MARCHF7: variants seen among roughly 807,000 people sequenced by gnomAD.
The protein encoded by MARCHF7 is membrane associated ring-CH-type finger 7.
In MARCHF7, 20 loss-of-function variants were observed where a neutral mutation model predicts 76.5. That is an observed-to-expected ratio of 0.26 (90% CI 0.18 to 0.38). The LOEUF (loss-of-function observed/expected upper bound fraction) is 0.38, where lower values mean the gene tolerates loss of function less well. Ranked by LOEUF, MARCHF7 falls within the 10% of genes least tolerant of loss-of-function variation. The pLI, the probability that MARCHF7 is intolerant of heterozygous loss-of-function variation, is 1.00. For missense variants in MARCHF7, 797 were observed against 812.9 expected (o/e 0.98, Z 0.24); for synonymous variants, 295 against 293.0 (o/e 1.01, Z -0.07).
At chr2:159,714,237 T>C (rs1029110889) in intron 1 of MARCHF7, among the ~76,000 whole-genome samples, 1 of 152,254 alleles carries the variant, frequency 6.6e-6, no homozygotes, top group Admixed American at 6.5e-5. Flanking sequence ...GCAAAATCTG[T>C]CAAATATCTT....
chr2:159,760,125 C>G (rs1469857557), intron 9 of MARCHF7, among the ~76,000 whole-genome samples: 13 of 152,196 alleles, frequency 8.5e-5, no homozygotes, highest in Admixed American at 8.5e-4. Context: ...TCTGTGCTCT[C>G]AGCCCCTGGC....
chr2:159,745,429 C>G (rs1019977591), intron 5 of MARCHF7, among the ~76,000 whole-genome samples: 1 of 152,098 alleles, frequency 6.6e-6, no homozygotes, highest in Non-Finnish European at 1.5e-5. Context: ...CCGGGGTGGG[C>G]GGATCACTAG....
In MARCHF7 at chr2:159,749,989, A is replaced by G. The variant is rs144530549; in HGVS notation, c.1613+1086A>G. Reference sequence around the variant, plus strand: ...TCTTTTTTTGGAATTTGATGCACAAAATTTACTTTGATTCACAAGATAAAA... The same window carrying G: ...TCTTTTTTTGGAATTTGATGCACAAGATTTACTTTGATTCACAAGATAAAA... On this transcript the variant is annotated intron_variant, in intron 7 of 11. Coordinates refer to ENST00000409175, the MANE Select transcript of MARCHF7 (RefSeq NM_001282805.2). Among the ~76,000 whole-genome samples the G allele has an allele frequency of 3.9e-4, 59 of 152,318 alleles. No individual in the cohort carries two copies. The East Asian group carries it at 7.7e-3, about 20-fold the overall frequency.
intron 8 of MARCHF7, among the ~76,000 whole-genome samples, chr2:159,756,432 A>C (rs1309034766): frequency 6.6e-6 from 1 of 152,128 alleles, no homozygotes; most frequent in Non-Finnish European, 1.5e-5. Context: ...CACACCTGTA[A>C]TCCCAGCACT....
At chr2:159,732,537 G>C (rs1314759111) in intron 4 of MARCHF7, among the ~76,000 whole-genome samples, 3 of 152,082 alleles carry the variant, frequency 2.0e-5, no homozygotes, top group African/African-American at 7.2e-5. Context: ...TTAAGAGACA[G>C]GGTCCTGCTC....
chr2:159,713,916 T>C (rs571638822), intron 1 of MARCHF7, among the ~76,000 whole-genome samples: 1 of 152,142 alleles, frequency 6.6e-6, no homozygotes, highest in African/African-American at 2.4e-5. Flanking sequence ...AATACTAGTC[T>C]TGGTTTTTTT....
chr2:159,719,386 C>G (rs1701381261), intron 3 of MARCHF7, among the ~76,000 whole-genome samples: 1 of 152,074 alleles, frequency 6.6e-6, no homozygotes, highest in African/African-American at 2.4e-5. Flanking sequence ...GACCACCCCC[C>G]ACCACCACCC....
At chr2:159,761,326 G>A (rs12692564) in intron 9 of MARCHF7, among the ~76,000 whole-genome samples, 52,038 of 145,054 alleles carry the variant, frequency 0.36, 9,196 homozygotes, top group South Asian at 0.45. Flanking sequence ...GCCTGGCCCC[G>A]TTTAAAATTT....
chr2:159,759,377 C>A, intron 9 of MARCHF7, 42 bp downstream of exon 9: 1 of 972,628 alleles, frequency 1.0e-6, no homozygotes, highest in Non-Finnish European at 1.6e-6. Flanking sequence ...CTATTCTATG[C>A]TTCAAGGACA....
At chr2:159,732,967 GAA>G (rs1702995323) in intron 4 of MARCHF7, 1 of 975,384 alleles carries the variant, frequency 1.0e-6, no homozygotes, top group South Asian at 4.8e-5. Flanking sequence ...TTGAAAGAAA[GAA>G]TACATGTGAA....
At chr2:159,734,973 C>A (rs982566262) in intron 4 of MARCHF7, among the ~76,000 whole-genome samples, 12 of 152,044 alleles carry the variant, frequency 7.9e-5, no homozygotes, top group Non-Finnish European at 1.5e-4. Context: ...CAGAACAGGA[C>A]CCTGTCTCAA....
intron 3 of MARCHF7, among the ~76,000 whole-genome samples, chr2:159,726,701 T>C (rs776824907): frequency 4.6e-5 from 7 of 152,206 alleles, no homozygotes; most frequent in South Asian, 2.1e-4. Context: ...TTCAGTATTA[T>C]TGGATATATT....
chr2:159,724,977 C>T (rs1053403321), intron 3 of MARCHF7, among the ~76,000 whole-genome samples: 2 of 152,144 alleles, frequency 1.3e-5, no homozygotes, highest in Non-Finnish European at 1.5e-5. Flanking sequence ...ATGATGGTTT[C>T]CAGCTTCATC....
At chr2:159,758,075 C>T (rs537407585) in intron 8 of MARCHF7, among the ~76,000 whole-genome samples, 1 of 152,282 alleles carries the variant, frequency 6.6e-6, no homozygotes, top group African/African-American at 2.4e-5. Context: ...ATCTCCAAAA[C>T]CTCTAATTAA....
rs762333604 is a variant in MARCHF7 at position 159,763,019 on chromosome 2, G to GGGAGGGT, written c.2007+27_2007+33dup. ...GTAAGTAATAATGAAGTTGGGGAGA[G>GGGAGGGT]GGAGGGTATGATGCAGCAAGTGTAT... On this transcript the variant is annotated intron_variant, in intron 10 of 11. Transcript: ENST00000409175. The GGGAGGGT allele has an allele frequency of 2.9e-4, 431 of 1,494,542 alleles. 3 individuals are homozygous for GGGAGGGT. In the East Asian group the frequency reaches 9.7e-3, roughly 34 times the overall value. The allele number at this position is 1,494,542 out of a possible 1,614,324, so 92.6% of individuals were successfully genotyped here.
At chr2:159,761,406 CTTTTTTTTT>C (rs747902045) in intron 9 of MARCHF7, among the ~76,000 whole-genome samples, 1 of 73,778 alleles carries the variant, frequency 1.4e-5, no homozygotes, top group South Asian at 5.0e-4. Context: ...TGAATCATTT[CTTTTTTTTT>C]TTTTTTTTTT....
chr2:159,735,027 A>G (rs1703287232), intron 4 of MARCHF7, among the ~76,000 whole-genome samples: 1 of 152,108 alleles, frequency 6.6e-6, no homozygotes, highest in Non-Finnish European at 1.5e-5. Flanking sequence ...ACAGCTTGTC[A>G]ATTTGGTCTT....
rs530142870 is a variant in MARCHF7 at position 159,732,861 on chromosome 2, T to C, written c.153+3686T>C. On this transcript the variant is annotated intron_variant, in intron 4 of 11. Coordinates refer to ENST00000409175, the MANE Select transcript of MARCHF7 (RefSeq NM_001282805.2). ...TTTTATTTATCTGTATTTTCTTCTG[T>C]GAAATGGTGATAGTGATAGCGGTTT... The C allele has an allele frequency of 5.7e-5, 56 of 985,162 alleles. No individual in the cohort carries two copies. In the African/African-American group the frequency reaches 9.4e-4, roughly 17 times the overall value. The allele number at this position is 985,162 out of a possible 1,614,324, so 61.0% of individuals were successfully genotyped here.
intron 3 of MARCHF7, among the ~76,000 whole-genome samples, chr2:159,720,028 T>A (rs1701457668): frequency 6.6e-6 from 1 of 150,966 alleles, no homozygotes; most frequent in South Asian, 2.1e-4. Flanking sequence ...TGTCCCGCCC[T>A]CCCCCCTCCA....
Sources: gnomAD v4.1 joint callset for allele counts (sites outside exome capture counted in the v4.1 genomes callset) on GRCh38, gnomAD v4.1.1 for gene constraint, MANE v1.5 for transcripts, NCBI Gene and HGNC (gene_info 2026-07-23, HGNC 2026-07-21) for gene names.